Variants in SLC2A5 observed in about 807,000 individuals in gnomAD.
The protein encoded by SLC2A5 is solute carrier family 2 member 5, also known as solute carrier family 2, facilitated glucose transporter member 5.
A neutral mutation model predicts 50.3 loss-of-function variants in SLC2A5; 56 were observed. The observed-to-expected ratio is 1.11, with a 90% confidence interval of 0.90 to 1.39. The LOEUF (loss-of-function observed/expected upper bound fraction) is 1.39, where lower values mean the gene tolerates loss of function less well. Ranked by LOEUF, SLC2A5 falls within the 40% of genes most tolerant of loss-of-function variation. The probability of loss-of-function intolerance (pLI) is 0.00; values close to 1 mark genes in which losing one functional copy is unlikely to be tolerated. For synonymous variants in SLC2A5, 269 were observed against 281.9 expected (o/e 0.95, Z 0.46); for missense variants, 566 against 650.1 (o/e 0.87, Z 1.41).
At chr1:9,041,576 A>G in intron 5 of SLC2A5, 2 of 1,426,800 alleles carry the variant, frequency 1.4e-6, no homozygotes, top group Non-Finnish European at 1.8e-6. Context: ...GGGACTAGAT[A>G]GTAAACGCTG....
intron 4 of SLC2A5, among the ~76,000 whole-genome samples, chr1:9,042,643 G>A (rs1022093808): frequency 2.0e-5 from 3 of 149,152 alleles, no homozygotes; most frequent in African/African-American, 7.4e-5. Context: ...GTGTGGGTGT[G>A]TGTGTGGCCT....
intron 1 of SLC2A5, among the ~76,000 whole-genome samples, chr1:9,062,202 A>G (rs997599870): frequency 1.3e-5 from 2 of 152,230 alleles, no homozygotes; most frequent in Non-Finnish European, 2.9e-5. Context: ...CCCCCAGCAG[A>G]CTATTGTCAA....
At chr1:9,045,396 G>C (rs1051905127) in intron 4 of SLC2A5, among the ~76,000 whole-genome samples, 1 of 152,176 alleles carries the variant, frequency 6.6e-6, no homozygotes, top group African/African-American at 2.4e-5. Context: ...ACTGAGAACT[G>C]CTGACTTTAG....
intron 7 of SLC2A5, 56 bp from the exon 8 acceptor site, chr1:9,039,718 G>A (rs1418373566): frequency 1.4e-6 from 2 of 1,445,722 alleles, no homozygotes; most frequent in East Asian, 5.9e-5. Context: ...CTCGGCGCCA[G>A]GACCCACGCC....
chr1:9,049,291 C>T (rs1291917414), intron 3 of SLC2A5: 1 of 427,758 alleles, frequency 2.3e-6, no homozygotes, highest in Non-Finnish European at 4.7e-6. Context: ...CAGAATCAGA[C>T]TGGACTATAA....
upstream of SLC2A5, among the ~76,000 whole-genome samples, chr1:9,093,167 G>A (rs1184260504): frequency 6.6e-6 from 1 of 152,122 alleles, no homozygotes; most frequent in African/African-American, 2.4e-5. Flanking sequence ...CTACAGCCAG[G>A]AGACTGGGTT....
chr1:9,054,738 A>G (rs1641707954), intron 3 of SLC2A5, among the ~76,000 whole-genome samples: 1 of 152,032 alleles, frequency 6.6e-6, no homozygotes, highest in Non-Finnish European at 1.5e-5. Flanking sequence ...CAGCCAGAGA[A>G]ACCTAGTGAG....
chr1:9,065,492 T>A (rs1642056875), intron 1 of SLC2A5, among the ~76,000 whole-genome samples: 1 of 152,166 alleles, frequency 6.6e-6, no homozygotes, highest in Non-Finnish European at 1.5e-5. Context: ...TCATGGAGGA[T>A]CAGTACTTCA....
upstream of SLC2A5, among the ~76,000 whole-genome samples, chr1:9,091,711 C>T (rs1448876257): frequency 6.6e-6 from 1 of 152,164 alleles, no homozygotes; most frequent in Non-Finnish European, 1.5e-5. Flanking sequence ...TACCACCTTA[C>T]TTCCACTCAC....
At chr1:9,050,583 C>G (rs191721355) in intron 3 of SLC2A5, among the ~76,000 whole-genome samples, 5 of 151,830 alleles carry the variant, frequency 3.3e-5, no homozygotes, top group Non-Finnish European at 7.4e-5. Flanking sequence ...GGTCACAGAC[C>G]TAAATATAAA....
At position 9,062,549 on chromosome 1, in the gene SLC2A5, G is replaced by A. The variant is rs1330538330; in HGVS notation, c.34-4299C>T. Among the ~76,000 whole-genome samples the A allele has an allele frequency of 2.0e-5, 3 of 152,144 alleles. No individual in the cohort carries two copies. The East Asian group carries it at 5.8e-4, about 29-fold the overall frequency. Reference sequence around the variant, plus strand: ...TCCCTCCATGTGCTCTGTAGCCAAGGAGTGGGATGGAAGGATTTGAACTTT... The same window carrying A: ...TCCCTCCATGTGCTCTGTAGCCAAGAAGTGGGATGGAAGGATTTGAACTTT... On this transcript the variant is annotated intron_variant, in intron 1 of 11. Transcript: ENST00000377424.
chr1:9,052,421 G>C (rs1304035975), intron 3 of SLC2A5, among the ~76,000 whole-genome samples: 1 of 152,150 alleles, frequency 6.6e-6, no homozygotes, highest in African/African-American at 2.4e-5. Context: ...TGACTAGGCA[G>C]AGCATAGAGG....
upstream of SLC2A5, chr1:9,071,563 C>G (rs570871703): frequency 2.6e-5 from 4 of 152,594 alleles, no homozygotes; most frequent in South Asian, 2.1e-4. Context: ...CTGGGGGGGA[C>G]GCGGACACTC....
At chr1:9,041,577 G>A in intron 5 of SLC2A5, 2 of 1,427,536 alleles carry the variant, frequency 1.4e-6, no homozygotes, top group Non-Finnish European at 1.8e-6. Context: ...GGACTAGATA[G>A]TAAACGCTGG....
intron 1 of SLC2A5, among the ~76,000 whole-genome samples, chr1:9,063,498 G>A (rs1299025193): frequency 4.6e-5 from 7 of 151,130 alleles, no homozygotes; most frequent in Admixed American, 6.6e-5. Flanking sequence ...TCAGCCTCCC[G>A]GATAGCTGGG....
rs1166856067 is a variant in SLC2A5, at chr1:9,079,903, C to T, written c.-59+5111G>A. Among the ~76,000 whole-genome samples, 5 of 152,310 alleles carry T rather than the reference C, an allele frequency of 3.3e-5. No individual in the cohort carries two copies. In the East Asian group the frequency reaches 9.6e-4, roughly 29 times the overall value. The stretch of plus-strand genomic sequence containing the variant: ...ATATTCACATTGTTATGAAACAGAT[C>T]TCCAGAACCTTTTCATCTTGCAAAA... On this transcript the variant is annotated intron_variant, in intron 2 of 5. Transcript: ENST00000464985.
At position 9,058,094 on chromosome 1, in the gene SLC2A5, C is replaced by T. The variant is rs745995858; in HGVS notation, c.132+58G>A. 4 of 1,331,268 alleles carry T rather than the reference C, an allele frequency of 3.0e-6. No individual in the cohort carries two copies. In the East Asian group the frequency reaches 9.3e-5, roughly 31 times the overall value. 82.5% of individuals were successfully genotyped at this position (1,331,268 alleles called of 1,614,324 possible). ...ACAGCCCCACGCTGGCCAGTCCCAC[C>T]CAGGCAATGGGCTGCTCCAAACGTC... On this transcript the variant is annotated intron_variant, in intron 2 of 11. Coordinates refer to ENST00000377424, the MANE Select transcript of SLC2A5 (RefSeq NM_003039.3).
intron 1 of SLC2A5, among the ~76,000 whole-genome samples, chr1:9,061,824 C>T (rs546739900): frequency 4.6e-5 from 7 of 152,204 alleles, no homozygotes; most frequent in East Asian, 1.9e-4. Context: ...GGCTCATGCC[C>T]CAGAGTTGGG....
Position 9,040,520 on chromosome 1 carries a change from C to G in SLC2A5, c.572-331G>C. 7.1e-6 allele frequency: 2 copies of G among 279,860 alleles called. No homozygotes were observed. 17.3% of individuals were successfully genotyped at this position (279,860 alleles called of 1,614,324 possible). A position where few individuals can be genotyped will look rare whatever the true frequency, so the allele number is the denominator to read the frequency against. On this transcript the variant is annotated intron_variant, in intron 5 of 11. Coordinates refer to ENST00000377424, the MANE Select transcript of SLC2A5 (RefSeq NM_003039.3). This position sits in a 1 kb window ranked among gnomAD's most constrained non-coding sequence, Gnocchi z 4.3. ...GGCATACCCGGCCTGACCCAACTGC[C>G]CACTCCCAGCTCTATGCCCAGAGAA...
Sources: gnomAD v4.1 joint callset for allele counts (sites outside exome capture counted in the v4.1 genomes callset) on GRCh38, gnomAD v4.1.1 for gene constraint, Gnocchi (gnomAD v3.1) non-coding constraint, MANE v1.5 for transcripts, NCBI Gene and HGNC (gene_info 2026-07-23, HGNC 2026-07-21) for gene names.